The following AFG2A variants were observed in gnomAD, a reference collection of about 807,000 sequenced individuals.
AFG2A encodes the protein ATPase family gene 2 protein homolog A.
the AFG2A span, among the ~76,000 whole-genome samples, chr4:123,172,654 G>C: frequency 6.6e-6 from 1 of 152,106 alleles, no homozygotes; most frequent in Non-Finnish European, 1.5e-5. Flanking sequence ...CTTTCATTTA[G>C]TTCACTGTTA....
the AFG2A span, among the ~76,000 whole-genome samples, chr4:122,961,826 T>C: frequency 5.3e-5 from 8 of 152,196 alleles, no homozygotes; most frequent in African/African-American, 1.7e-4. Context: ...TGCTGAACTT[T>C]GGGTCATCCC....
At chr4:123,158,826 A>G in the AFG2A span, among the ~76,000 whole-genome samples, 4 of 152,356 alleles carry the variant, frequency 2.6e-5, no homozygotes, top group South Asian at 2.1e-4. Flanking sequence ...TTGCAATTCA[A>G]GACTAAGAGC....
At chr4:123,248,071 C>G in the AFG2A span, among the ~76,000 whole-genome samples, 1 of 148,320 alleles carries the variant, frequency 6.7e-6, no homozygotes, top group Admixed American at 6.7e-5. Context: ...GTGCTTTGCA[C>G]ACAAAAAAAA....
chr4:123,221,254 C>T, the AFG2A span, among the ~76,000 whole-genome samples: 10 of 152,332 alleles, frequency 6.6e-5, no homozygotes, highest in South Asian at 2.1e-4. Flanking sequence ...CTCCTGGGCT[C>T]AAGCAATCCT....
chr4:122,932,941 G>C, the AFG2A span, among the ~76,000 whole-genome samples: 1 of 152,310 alleles, frequency 6.6e-6, no homozygotes, highest in African/African-American at 2.4e-5. Context: ...ACTTTATAAA[G>C]GGAATTATTA....
At chr4:123,023,361 A>C in the AFG2A span, among the ~76,000 whole-genome samples, 1 of 152,116 alleles carries the variant, frequency 6.6e-6, no homozygotes, top group Non-Finnish European at 1.5e-5. Flanking sequence ...TTGAATCTAA[A>C]ATAAAAGTTC....
the AFG2A span, among the ~76,000 whole-genome samples, chr4:123,283,018 T>G: frequency 6.6e-6 from 1 of 152,122 alleles, no homozygotes; most frequent in Non-Finnish European, 1.5e-5. Context: ...TGTCTTGCAC[T>G]TTTATGTTTT....
At chr4:123,141,318 C>T in the AFG2A span, among the ~76,000 whole-genome samples, 2 of 152,114 alleles carry the variant, frequency 1.3e-5, no homozygotes, top group Non-Finnish European at 2.9e-5. Context: ...TTAAAATTAG[C>T]CAGGCATGGT....
At chr4:123,201,860 T>C in the AFG2A span, among the ~76,000 whole-genome samples, 1 of 151,966 alleles carries the variant, frequency 6.6e-6, no homozygotes. Flanking sequence ...AGGTCGAGGC[T>C]GCAGTGGGCT....
chr4:122,942,849 GGTTTCAAAGAACATCTTTATTTCT>G, the AFG2A span, among the ~76,000 whole-genome samples: 1 of 150,474 alleles, frequency 6.6e-6, no homozygotes, highest in Non-Finnish European at 1.5e-5. Flanking sequence ...TGTTCTCGTT[GGTTTCAAAGAACATCTTTATTTCT>G]GCCTTCATTT....
chr4:123,121,866 T>C, the AFG2A span, among the ~76,000 whole-genome samples: 1 of 152,236 alleles, frequency 6.6e-6, no homozygotes, highest in Non-Finnish European at 1.5e-5. Context: ...TCTTGAAGTA[T>C]AATGAACCTT....
At chr4:123,096,670 A>T in the AFG2A span, among the ~76,000 whole-genome samples, 1 of 152,138 alleles carries the variant, frequency 6.6e-6, no homozygotes, top group East Asian at 1.9e-4. Context: ...TATAAGCATT[A>T]TCCCTAGCGT....
the AFG2A span, among the ~76,000 whole-genome samples, chr4:122,999,668 A>G: frequency 6.6e-6 from 1 of 152,064 alleles, no homozygotes; most frequent in African/African-American, 2.4e-5. Context: ...ATTGATCTAT[A>G]TCTCTGTTTT....
chr4:123,237,281 G>T, the AFG2A span, among the ~76,000 whole-genome samples: 4 of 152,126 alleles, frequency 2.6e-5, no homozygotes, highest in Non-Finnish European at 4.4e-5. Context: ...CCCTACAGAG[G>T]GGGGTACAGT....
the AFG2A span, among the ~76,000 whole-genome samples, chr4:123,238,510 G>A: frequency 3.3e-5 from 5 of 152,018 alleles, 1 homozygote; most frequent in South Asian, 4.1e-4. Context: ...TTTGCTGCTC[G>A]GCAGCCTCCG....
At chr4:123,084,044 A>T in the AFG2A span, among the ~76,000 whole-genome samples, 3 of 152,104 alleles carry the variant, frequency 2.0e-5, no homozygotes, top group Non-Finnish European at 4.4e-5. Flanking sequence ...GGCAGATTGA[A>T]GTTTTTAAGG....
the AFG2A span, among the ~76,000 whole-genome samples, chr4:123,078,763 G>A: frequency 1.3e-5 from 2 of 152,172 alleles, no homozygotes; most frequent in East Asian, 3.9e-4. Context: ...TGTTACCCTG[G>A]ATTCATGGGT....
chr4:123,208,230 A>G, the AFG2A span, among the ~76,000 whole-genome samples: 1 of 152,184 alleles, frequency 6.6e-6, no homozygotes, highest in South Asian at 2.1e-4. Flanking sequence ...GGACAACTGG[A>G]TTTTCACATA....
chr4:123,213,373 A>C, the AFG2A span, among the ~76,000 whole-genome samples: 1 of 152,166 alleles, frequency 6.6e-6, no homozygotes, highest in African/African-American at 2.4e-5. Context: ...CTGTGCCCTA[A>C]CAACAACAAA....
Sources: allele counts gnomAD v4.1 joint callset (sites outside exome capture counted in the v4.1 genomes callset), GRCh38; gene constraint gnomAD v4.1.1; transcripts MANE v1.5; gene names NCBI Gene and HGNC (gene_info 2026-07-23, HGNC 2026-07-21).